The following AGPAT3 variants were observed in gnomAD, a reference collection of about 807,000 sequenced individuals.
AGPAT3 encodes the protein 1-acyl-sn-glycerol-3-phosphate acyltransferase gamma.
In AGPAT3, 5 loss-of-function variants were observed where a neutral mutation model predicts 47.3. That is an observed-to-expected ratio of 0.11 (90% CI 0.06 to 0.22). The LOEUF (loss-of-function observed/expected upper bound fraction) is 0.22, where lower values mean the gene tolerates loss of function less well. Ranked by LOEUF, AGPAT3 falls within the 10% of genes least tolerant of loss-of-function variation. The pLI, the probability that AGPAT3 is intolerant of heterozygous loss-of-function variation, is 1.00. For missense variants in AGPAT3, 315 were observed against 493.0 expected (o/e 0.64, Z 3.42); for synonymous variants, 212 against 208.3 (o/e 1.02, Z -0.15).
intron 1 of AGPAT3, among the ~76,000 whole-genome samples, chr21:43,869,045 G>A (rs540245146): frequency 1.3e-5 from 2 of 152,278 alleles, no homozygotes; most frequent in South Asian, 2.1e-4. Flanking sequence ...TCACATACAC[G>A]TATTCATTTA....
chr21:43,913,793 C>T (rs570046707), intron 2 of AGPAT3, among the ~76,000 whole-genome samples: 1 of 152,148 alleles, frequency 6.6e-6, no homozygotes, highest in African/African-American at 2.4e-5. Flanking sequence ...CACAGCCGGC[C>T]CTGCAGCAGA....
chr21:43,890,047 T>C (rs953432580), intron 1 of AGPAT3, among the ~76,000 whole-genome samples: 1 of 150,852 alleles, frequency 6.6e-6, no homozygotes, highest in Non-Finnish European at 1.5e-5. Context: ...CCCTAAAATC[T>C]GACATTTTGG....
In AGPAT3 at chr21:43,982,424, G is replaced by C; in HGVS notation, c.*32G>C. Reference sequence around the variant, plus strand: ...GCTGTGACTGAACACACGCGGCCCTGACGGTGGTATCCAGTTAACTCAAAA... The same window carrying C: ...GCTGTGACTGAACACACGCGGCCCTCACGGTGGTATCCAGTTAACTCAAAA... On this transcript the variant is annotated 3_prime_UTR_variant, in exon 10 of 10. Coordinates refer to ENST00000291572, the MANE Select transcript of AGPAT3 (RefSeq NM_020132.5). The surrounding 1 kb of genome is among the most constrained non-coding windows in gnomAD (Gnocchi z 6.2). The C allele has an allele frequency of 1.3e-6, 2 of 1,518,380 alleles. No homozygotes were observed. Among genetic ancestry groups the C allele is most frequent in the Non-Finnish European group, 1.8e-6 (2 of 1,094,882 alleles). 94.1% of individuals were successfully genotyped at this position (1,518,380 alleles called of 1,614,324 possible).
At position 43,894,857 on chromosome 21, in the gene AGPAT3, C is replaced by T. The variant is rs537972719; in HGVS notation, c.-111-9100C>T. Among the ~76,000 whole-genome samples, 6 of 152,284 alleles carry T rather than the reference C, an allele frequency of 3.9e-5. No homozygotes were observed. The East Asian group carries it at 9.6e-4, about 24-fold the overall frequency. On this transcript the variant is annotated intron_variant, in intron 1 of 9. Transcript: ENST00000291572. ...GCCTCTGATTTTAAAAGACCTGAAG[C>T]ACTGGACTCTGTTCCCCTTTCTTTC...
intron 8 of AGPAT3, among the ~76,000 whole-genome samples, chr21:43,979,756 G>A (rs1349753685): frequency 6.6e-6 from 1 of 152,204 alleles, no homozygotes; most frequent in Non-Finnish European, 1.5e-5. Flanking sequence ...CAGCCAAAAT[G>A]TGTGTGCCAG....
chr21:43,895,714 A>G (rs1043693497), intron 1 of AGPAT3, among the ~76,000 whole-genome samples: 11 of 152,042 alleles, frequency 7.2e-5, no homozygotes, highest in Non-Finnish European at 1.5e-5. Context: ...CAGCCTCCCA[A>G]GTATGGGATT....
intron 1 of AGPAT3, among the ~76,000 whole-genome samples, chr21:43,891,517 C>A (rs2145931387): frequency 6.6e-6 from 1 of 152,098 alleles, no homozygotes; most frequent in East Asian, 1.9e-4. Context: ...CCTGTAATCC[C>A]AGCTACTCAA....
intron 1 of AGPAT3, among the ~76,000 whole-genome samples, chr21:43,903,200 A>G (rs1043100350): frequency 2.6e-5 from 4 of 152,226 alleles, no homozygotes; most frequent in Non-Finnish European, 4.4e-5. Flanking sequence ...TGAGGTCCCT[A>G]GAGTGGTTAA....
At chr21:43,879,595 C>T (rs1176652050) in intron 1 of AGPAT3, among the ~76,000 whole-genome samples, 1 of 151,896 alleles carries the variant, frequency 6.6e-6, no homozygotes, top group Admixed American at 6.6e-5. Context: ...TCTCTGCTCT[C>T]GGCTGTGCAC....
chr21:43,886,285 G>A (rs891864675), intron 1 of AGPAT3, among the ~76,000 whole-genome samples: 4 of 151,956 alleles, frequency 2.6e-5, no homozygotes, highest in African/African-American at 9.7e-5. Context: ...ATGGAGTCTT[G>A]CTCTGTTGCC....
Position 43,939,395 on chromosome 21 carries a change from A to T in AGPAT3, c.-48-20239A>T, listed in dbSNP as rs2087572896. On this transcript the variant is annotated intron_variant, in intron 2 of 9. Coordinates refer to ENST00000291572, the MANE Select transcript of AGPAT3 (RefSeq NM_020132.5). This position sits in a 1 kb window ranked among gnomAD's most constrained non-coding sequence, Gnocchi z 4.4. ...TCTGGTCCCTGGGTCCTTTGATCTC[A>T]TCTCCCTAGTTTAGCCTTTGAACTC... Among the ~76,000 whole-genome samples the T allele has an allele frequency of 6.6e-6, 1 of 151,952 alleles. No individual in the cohort carries two copies. The highest frequency in any genetic ancestry group is 1.5e-5 in the Non-Finnish European group (1 of 67,978).
chr21:43,874,843 A>G (rs2085698057), intron 1 of AGPAT3, among the ~76,000 whole-genome samples: 1 of 152,062 alleles, frequency 6.6e-6, no homozygotes, highest in African/African-American at 2.4e-5. Flanking sequence ...TATTTTGTTC[A>G]ATACAGTCAT....
intron 1 of AGPAT3, among the ~76,000 whole-genome samples, chr21:43,900,740 G>A (rs1198385882): frequency 6.6e-6 from 1 of 152,122 alleles, no homozygotes; most frequent in African/African-American, 2.4e-5. Context: ...GTGAATCTGT[G>A]TGCTCAGTGG....
At chr21:43,866,763 G>A (rs1258318698) in intron 1 of AGPAT3, 3 of 152,310 alleles carry the variant, frequency 2.0e-5, no homozygotes, top group Non-Finnish European at 2.9e-5. Context: ...AGAAGGTGTA[G>A]GGGCCTTAAA....
At chr21:43,969,804 TCTC>T in intron 5 of AGPAT3, among the ~76,000 whole-genome samples, 2 of 152,196 alleles carry the variant, frequency 1.3e-5, no homozygotes, top group South Asian at 4.1e-4. Context: ...TTTAAGCGAT[TCTC>T]CTGCTTCAGG....
chr21:43,909,441 G>A (rs1401095596), intron 2 of AGPAT3, among the ~76,000 whole-genome samples: 7 of 152,124 alleles, frequency 4.6e-5, no homozygotes, highest in East Asian at 3.9e-4. Context: ...GACTACAGGC[G>A]CCTGCCACCA....
chr21:43,940,049 G>A (rs181393455), intron 2 of AGPAT3, among the ~76,000 whole-genome samples: 426 of 152,322 alleles, frequency 2.8e-3, no homozygotes, highest in Admixed American at 4.6e-3. Flanking sequence ...CCACGCAGGT[G>A]GCACCCTGGG....
intron 2 of AGPAT3, among the ~76,000 whole-genome samples, chr21:43,928,154 C>T (rs937676585): frequency 3.3e-5 from 5 of 152,168 alleles, no homozygotes; most frequent in Admixed American, 6.5e-5. Context: ...CCTTGCTGGA[C>T]GTGGAAGTCT....
chr21:43,944,889 C>CG (rs888045883), intron 2 of AGPAT3, among the ~76,000 whole-genome samples: 6 of 152,162 alleles, frequency 3.9e-5, no homozygotes, highest in Non-Finnish European at 7.4e-5. Context: ...TGTCCAGGTG[C>CG]GGGGGGGCCA....
Sources: allele counts gnomAD v4.1 joint callset (sites outside exome capture counted in the v4.1 genomes callset), GRCh38; gene constraint gnomAD v4.1.1; non-coding constraint Gnocchi (gnomAD v3.1); transcripts MANE v1.5; gene names NCBI Gene and HGNC (gene_info 2026-07-23, HGNC 2026-07-21).